Variants in CCDC157 observed in about 807,000 individuals in gnomAD.
The protein encoded by CCDC157 is coiled-coil domain containing 157, also known as coiled-coil domain-containing protein 157.
In CCDC157, 60 loss-of-function variants were observed where a neutral mutation model predicts 70.9. The observed-to-expected ratio is 0.85, with a 90% confidence interval of 0.69 to 1.05. The LOEUF is 1.05. Among genes scored for constraint, CCDC157 ranks in the 50% least tolerant of loss-of-function variants. CCDC157 has a pLI of 0.00. For missense variants in CCDC157, 943 were observed against 984.2 expected, an observed-to-expected ratio of 0.96 and a Z score of 0.56; for synonymous variants, 373 against 422.4, an observed-to-expected ratio of 0.88 and a Z score of 1.43.
chr22:30,369,368 T>G, intron 3 of CCDC157, 64 bp from the exon 4 acceptor site: 1 of 1,341,198 alleles, frequency 7.5e-7, no homozygotes, highest in Non-Finnish European at 9.8e-7. Context: ...GAGCTGCGGT[T>G]GTATGGTCTG....
At chr22:30,359,213 C>T (rs1932160802) in intron 1 of CCDC157, among the ~76,000 whole-genome samples, 1 of 152,222 alleles carries the variant, frequency 6.6e-6, no homozygotes, top group Non-Finnish European at 1.5e-5. Flanking sequence ...AGGAAGGAAA[C>T]CCAGAATACT....
intron 5 of CCDC157, chr22:30,371,190 G>T (rs373308465): frequency 1.7e-6 from 1 of 581,314 alleles, no homozygotes; most frequent in African/African-American, 1.9e-5. Context: ...GCCCAGACTC[G>T]TCCATCGGTC....
At position 30,374,075 on chromosome 22, in the gene CCDC157, C is replaced by G. The variant is rs759779822; in HGVS notation, c.1656C>G (p.Thr552=). The part of the protein sequence containing the change: ...LVAFPDLHRP[T]ETQIHGGRSS... The stretch of plus-strand genomic sequence containing the variant: ...CCTTCCCAGACCTGCACAGGCCCAC[C>G]GAGACCCAGATCCATGGTAGGGGAC... The change falls in exon 9 of 12, where the codon ACC becomes ACG. Residue 552 remains threonine (T), a synonymous_variant. Coordinates refer to ENST00000338306, the MANE Select transcript of CCDC157 (RefSeq NM_001017437.5). 11 of 1,599,292 alleles carry G rather than the reference C, an allele frequency of 6.9e-6. No individual in the cohort carries two copies. The highest frequency in any genetic ancestry group is 1.7e-5 in the Admixed American group (1 of 57,634).
chr22:30,359,835 T>C (rs2145853369), intron 1 of CCDC157, among the ~76,000 whole-genome samples: 1 of 152,338 alleles, frequency 6.6e-6, no homozygotes, highest in Non-Finnish European at 1.5e-5. Context: ...AAAAGTAATA[T>C]ATTTTCCTCA....
chr22:30,376,156 G>A (rs575492129), intron 10 of CCDC157, 103 bp from the exon 11 acceptor site: 88 of 1,058,204 alleles, frequency 8.3e-5, no homozygotes, highest in South Asian at 4.9e-4. Context: ...ATGGATATGC[G>A]CCCGGCCCTT....
intron 1 of CCDC157, among the ~76,000 whole-genome samples, chr22:30,360,523 T>C (rs1415656006): frequency 6.6e-6 from 1 of 151,840 alleles, no homozygotes; most frequent in Non-Finnish European, 1.5e-5. Flanking sequence ...AAAAAAGTTT[T>C]CCCTGACATG....
rs866500675 is a variant in CCDC157, at chr22:30,378,043, T to G, written c.*1298T>G. The G allele has an allele frequency of 4.3e-6, 2 of 462,234 alleles. No homozygotes were observed. Among genetic ancestry groups the G allele is most frequent in the South Asian group, 1.6e-5 (1 of 64,154 alleles). 28.6% of individuals were successfully genotyped at this position (462,234 alleles called of 1,614,324 possible). On this transcript the variant is annotated 3_prime_UTR_variant, in exon 12 of 12. Coordinates refer to ENST00000338306, the MANE Select transcript of CCDC157 (RefSeq NM_001017437.5). ...GGCAGAATTCCGATCCTTGCGGCTGTGGGACTGAGGTCCCCATGTCCTCGC... is the reference window on the plus strand; with the variant it reads ...GGCAGAATTCCGATCCTTGCGGCTGGGGGACTGAGGTCCCCATGTCCTCGC...
In CCDC157 at chr22:30,370,702, C is replaced by T; in HGVS notation, c.797C>T (p.Pro266Leu). The T allele has an allele frequency of 6.2e-7, 1 of 1,613,482 alleles. No individual in the cohort carries two copies. The highest frequency in any genetic ancestry group is 8.5e-7 in the Non-Finnish European group (1 of 1,179,854). Residue 266 changes from proline (P) to leucine (L), a missense_variant, in exon 5 of 12, where the codon CCA becomes CTA. Transcript: ENST00000338306. ...QLVQDSMGLR[P>L]LPAATVGRWA... ...GTGCAGGACAGCATGGGGCTCAGGC[C>T]ACTGCCGGCTGCCACCGTGGGCCGC... is the stretch of plus-strand genomic sequence containing the variant.
intron 9 of CCDC157, 130 bp downstream of exon 9, chr22:30,374,221 C>G (rs1026257483): frequency 4.0e-5 from 45 of 1,115,472 alleles, no homozygotes; most frequent in Non-Finnish European, 5.2e-5. Flanking sequence ...AGGCGGCCAG[C>G]AGCGCAGCCC....
At chr22:30,365,742 C>G (rs1932677537) in intron 2 of CCDC157, among the ~76,000 whole-genome samples, 1 of 152,174 alleles carries the variant, frequency 6.6e-6, no homozygotes, top group Non-Finnish European at 1.5e-5. Flanking sequence ...CACAAGCCCT[C>G]AGGAAGGACT....
At chr22:30,357,662 C>T (rs748014449) in intron 1 of CCDC157, among the ~76,000 whole-genome samples, 2 of 130,626 alleles carry the variant, frequency 1.5e-5, no homozygotes, top group Admixed American at 8.5e-5. Flanking sequence ...CCACCACACC[C>T]GGCTAATTTT....
upstream of CCDC157, chr22:30,356,780 G>T (rs1371824484): frequency 1.4e-6 from 2 of 1,435,692 alleles, no homozygotes; most frequent in Non-Finnish European, 1.8e-6. Context: ...GCCTGCACGG[G>T]TCCGGCCGGC....
At position 30,369,580 on chromosome 22, in the gene CCDC157, C is replaced by T; in HGVS notation, c.397C>T (p.Leu133Phe). The T allele has an allele frequency of 1.1e-5, 18 of 1,577,216 alleles. No homozygotes were observed. Among genetic ancestry groups the T allele is most frequent in the Non-Finnish European group, 1.5e-5 (18 of 1,164,296 alleles). ...FWDSLLRLGT[L>F]HQQPLPQKGA... The stretch of plus-strand genomic sequence containing the variant: ...GGACAGCCTGCTGAGGCTGGGCACG[C>T]TCCACCAGCAGCCACTCCCCCAGGT... The change falls in exon 4 of 12, where the codon CTC becomes TTC. Residue 133 changes from leucine to phenylalanine, a missense_variant. Coordinates refer to ENST00000338306, the MANE Select transcript of CCDC157 (RefSeq NM_001017437.5).
chr22:30,366,044 G>A lies in CCDC157; in HGVS notation c.44G>A (p.Arg15His), dbSNP rs1055605178. 29 of 1,605,020 alleles carry A rather than the reference G, an allele frequency of 1.8e-5. No homozygotes were observed. Among genetic ancestry groups the A allele is most frequent in the Middle Eastern group, 3.3e-4 (2 of 6,082 alleles). ...AGCCAGGCCTGCATGGAGAGCCTGC[G>A]CACAGACCTCACCGACCTGCAGGGT... ...LGSQACMESL[R>H]TDLTDLQGAI... Residue 15 changes from arginine to histidine, a missense_variant, in exon 3 of 12, where the codon CGC becomes CAC. By Grantham distance (29) the Arg-to-His change is conservative (BLOSUM62 0). Coordinates refer to ENST00000338306, the MANE Select transcript of CCDC157 (RefSeq NM_001017437.5).
At position 30,370,422 on chromosome 22, in the gene CCDC157, CCCT is replaced by C; in HGVS notation, c.523_525del (p.Ser175del). 7 of 1,614,154 alleles carry C rather than the reference CCCT, an allele frequency of 4.3e-6. No homozygotes were observed. Among genetic ancestry groups the C allele is most frequent in the Non-Finnish European group, 5.9e-6 (7 of 1,180,040 alleles). ...ATATCTGACTACCAAGTTAATCAAG[CCCT>C]CCTCCCCAGTGCTAGGCTTGCCCCA... On this transcript the variant is annotated inframe_deletion, in exon 5 of 12. Transcript: ENST00000338306.
intron 2 of CCDC157, among the ~76,000 whole-genome samples, chr22:30,363,848 C>T (rs780647358): frequency 5.3e-5 from 8 of 152,024 alleles, no homozygotes; most frequent in Admixed American, 3.3e-4. Flanking sequence ...CCATCATGTC[C>T]GGCTAATTTT....
chr22:30,367,725 A>T (rs375310573), intron 3 of CCDC157, among the ~76,000 whole-genome samples: 1 of 151,362 alleles, frequency 6.6e-6, no homozygotes, highest in African/African-American at 2.4e-5. Context: ...CATTCTGGGG[A>T]CTGTATCCCA....
At position 30,369,561 on chromosome 22, in the gene CCDC157, C is replaced by A. The variant is rs781525610; in HGVS notation, c.378C>A (p.Ser126Arg). 2 of 1,597,766 alleles carry A rather than the reference C, an allele frequency of 1.3e-6. No homozygotes were observed. Among genetic ancestry groups the A allele is most frequent in the African/African-American group, 1.3e-5 (1 of 74,166 alleles). The change falls in exon 4 of 12, where the codon AGC (serine) becomes AGA (arginine). Residue 126 changes from serine to arginine, a missense_variant. Coordinates refer to ENST00000338306, the MANE Select transcript of CCDC157 (RefSeq NM_001017437.5). ...VGLTVRRFWD[S>R]LLRLGTLHQQ... ...TCACGGTGCGGCGCTTCTGGGACAGCCTGCTGAGGCTGGGCACGCTCCACC... is the reference window on the plus strand; with the variant it reads ...TCACGGTGCGGCGCTTCTGGGACAGACTGCTGAGGCTGGGCACGCTCCACC...
chr22:30,374,610 A>G (rs750543116), intron 9 of CCDC157: 6 of 457,164 alleles, frequency 1.3e-5, no homozygotes, highest in South Asian at 9.3e-5. Context: ...ACTAGGGCAA[A>G]TCCTTTTGCA....
Sources: allele counts gnomAD v4.1 joint callset (sites outside exome capture counted in the v4.1 genomes callset), GRCh38; gene constraint gnomAD v4.1.1; transcripts MANE v1.5; gene names NCBI Gene and HGNC (gene_info 2026-07-23, HGNC 2026-07-21).